Variants in RORA observed in about 807,000 individuals in gnomAD.
RORA encodes nuclear receptor ROR-alpha.
A neutral mutation model predicts 69.5 loss-of-function variants in RORA; 7 were observed. The ratio of observed to expected loss-of-function variants is 0.10; its 90% CI spans 0.06 to 0.19. RORA has a LOEUF of 0.19. Among genes scored for constraint, RORA ranks in the 10% least tolerant of loss-of-function variants. The probability of loss-of-function intolerance (pLI) is 1.00; values close to 1 mark genes in which losing one functional copy is unlikely to be tolerated. For missense variants in RORA, 457 were observed against 663.0 expected, an observed-to-expected ratio of 0.69 and a Z score of 3.41; for synonymous variants, 261 against 240.8, an observed-to-expected ratio of 1.08 and a Z score of -0.78.
At chr15:60,864,853 C>G (rs913107021) in intron 1 of RORA, among the ~76,000 whole-genome samples, 1 of 152,190 alleles carries the variant, frequency 6.6e-6, no homozygotes, top group Non-Finnish European at 1.5e-5. Flanking sequence ...TTGCAACGGT[C>G]TAGTGAAGCT....
intron 1 of RORA, among the ~76,000 whole-genome samples, chr15:61,175,600 T>C (rs1325812003): frequency 2.7e-5 from 3 of 109,432 alleles, no homozygotes; most frequent in African/African-American, 8.6e-5. Flanking sequence ...TCCCAGCTAC[T>C]TGGAAGGGCT....
intron 2 of RORA, among the ~76,000 whole-genome samples, chr15:60,551,362 T>C (rs1339096909): frequency 6.6e-6 from 1 of 152,044 alleles, no homozygotes; most frequent in Non-Finnish European, 1.5e-5. Flanking sequence ...ATTCTGATGC[T>C]TTGGCTCATC....
intron 2 of RORA, among the ~76,000 whole-genome samples, chr15:60,674,484 A>G (rs2070522610): frequency 2.0e-5 from 3 of 152,354 alleles, no homozygotes; most frequent in African/African-American, 7.2e-5. Context: ...AAGTGAATAC[A>G]TTAACCTATT....
intron 2 of RORA, among the ~76,000 whole-genome samples, chr15:60,533,431 T>C (rs2066586641): frequency 6.6e-6 from 1 of 152,354 alleles, no homozygotes; most frequent in East Asian, 1.9e-4. Context: ...ACAAAAGTTG[T>C]CATTTGCAAG....
At chr15:60,916,686 A>G (rs1354753547) in intron 1 of RORA, among the ~76,000 whole-genome samples, 2 of 152,182 alleles carry the variant, frequency 1.3e-5, no homozygotes, top group Non-Finnish European at 2.9e-5. Flanking sequence ...GTGATAGGTG[A>G]GTATGACACT....
intron 1 of RORA, among the ~76,000 whole-genome samples, chr15:60,883,023 C>T (rs1030307700): frequency 2.1e-5 from 3 of 146,328 alleles, no homozygotes; most frequent in Non-Finnish European, 4.5e-5. Context: ...CCCAGTTGCT[C>T]GGGAGGCTGA....
intron 1 of RORA, among the ~76,000 whole-genome samples, chr15:61,204,353 A>C (rs1300420614): frequency 6.6e-6 from 1 of 152,212 alleles, no homozygotes; most frequent in East Asian, 1.9e-4. Context: ...TAAATGAATG[A>C]GTGGATAAAT....
intron 1 of RORA, among the ~76,000 whole-genome samples, chr15:61,100,884 C>T (rs1235570564): frequency 6.6e-6 from 1 of 152,188 alleles, no homozygotes; most frequent in Non-Finnish European, 1.5e-5. Flanking sequence ...GAAAATTATA[C>T]TACCTGGAAC....
chr15:61,183,973 C>T (rs1260785378), intron 1 of RORA, among the ~76,000 whole-genome samples: 7 of 152,142 alleles, frequency 4.6e-5, no homozygotes. Flanking sequence ...ACACCTCTGC[C>T]CTAACCCAGT....
chr15:60,882,049 T>C (rs1296708174), intron 1 of RORA, among the ~76,000 whole-genome samples: 1 of 152,212 alleles, frequency 6.6e-6, no homozygotes, highest in Non-Finnish European at 1.5e-5. Flanking sequence ...GTCCCCAGTA[T>C]GCTGCCCGTG....
intron 1 of RORA, among the ~76,000 whole-genome samples, chr15:61,116,114 G>A (rs1353893305): frequency 6.6e-6 from 1 of 152,138 alleles, no homozygotes; most frequent in Non-Finnish European, 1.5e-5. Flanking sequence ...CTTGACGCAG[G>A]ATGAACCATT....
chr15:60,703,094 C>T (rs988340741), intron 1 of RORA, among the ~76,000 whole-genome samples: 1 of 151,158 alleles, frequency 6.6e-6, no homozygotes, highest in Non-Finnish European at 1.5e-5. Flanking sequence ...TGGATGGTGA[C>T]ATAATGGAGC....
At chr15:60,806,016 G>A (rs1488244234) in intron 1 of RORA, among the ~76,000 whole-genome samples, 2 of 152,106 alleles carry the variant, frequency 1.3e-5, no homozygotes, top group East Asian at 1.9e-4. Context: ...GCAGGCTTTG[G>A]GGCCTAGCAA....
chr15:60,823,533 G>A (rs2072921228), intron 1 of RORA, among the ~76,000 whole-genome samples: 1 of 152,142 alleles, frequency 6.6e-6, no homozygotes, highest in Non-Finnish European at 1.5e-5. Context: ...GCACACAGTG[G>A]GCACTCAATA....
chr15:60,661,611 G>A (rs2070305656), intron 2 of RORA, among the ~76,000 whole-genome samples: 1 of 152,164 alleles, frequency 6.6e-6, no homozygotes, highest in Non-Finnish European at 1.5e-5. Context: ...TTTGAATAAG[G>A]GGAAGAATAA....
intron 1 of RORA, among the ~76,000 whole-genome samples, chr15:60,866,855 C>CTATCTATCATCTAT (rs55912042): frequency 1.1e-5 from 1 of 90,520 alleles, no homozygotes; most frequent in African/African-American, 3.8e-5. Flanking sequence ...TATCTATCTA[C>CTATCTATCATCTAT]CTACCTACCT....
At chr15:61,177,964 C>T (rs1002155680) in intron 1 of RORA, among the ~76,000 whole-genome samples, 15 of 90,828 alleles carry the variant, frequency 1.7e-4, no homozygotes, top group African/African-American at 5.3e-4. Context: ...TCCATCTCAA[C>T]AAAAAAAAAA....
intron 1 of RORA, among the ~76,000 whole-genome samples, chr15:61,150,445 C>T (rs1405506407): frequency 6.6e-6 from 1 of 152,120 alleles, no homozygotes; most frequent in Non-Finnish European, 1.5e-5. Context: ...TATTTAATGA[C>T]CTTGTTCAGC....
At chr15:60,799,138 A>G (rs2072543316) in intron 1 of RORA, among the ~76,000 whole-genome samples, 1 of 152,076 alleles carries the variant, frequency 6.6e-6, no homozygotes, top group African/African-American at 2.4e-5. Flanking sequence ...CTGGAACTAC[A>G]CTCAGACTCT....
Sources: allele counts gnomAD v4.1 joint callset (sites outside exome capture counted in the v4.1 genomes callset), GRCh38; gene constraint gnomAD v4.1.1; transcripts MANE v1.5; gene names NCBI Gene and HGNC (gene_info 2026-07-23, HGNC 2026-07-21).